RBMS3: variants seen among roughly 807,000 people sequenced by gnomAD.
The protein encoded by RBMS3 is RNA-binding motif, single-stranded-interacting protein 3.
A neutral mutation model predicts 66.8 loss-of-function variants in RBMS3; 27 were observed. That is an observed-to-expected ratio of 0.40 (90% CI 0.30 to 0.56). The LOEUF is 0.56. Among genes scored for constraint, RBMS3 ranks in the 20% least tolerant of loss-of-function variants. RBMS3 has a pLI of 0.40. For synonymous variants in RBMS3, 188 were observed against 183.0 expected (o/e 1.03, Z -0.22); for missense variants, 513 against 549.5 (o/e 0.93, Z 0.66).
chr3:29,474,710 G>T (rs2042885171), intron 2 of RBMS3, among the ~76,000 whole-genome samples: 1 of 152,192 alleles, frequency 6.6e-6, no homozygotes, highest in Non-Finnish European at 1.5e-5. Context: ...TACTGGTCTA[G>T]AAGAAGCTTT....
chr3:29,679,135 A>G (rs541583700), intron 4 of RBMS3, among the ~76,000 whole-genome samples: 1 of 152,080 alleles, frequency 6.6e-6, no homozygotes, highest in Admixed American at 6.6e-5. Context: ...GTGTCTCTGC[A>G]AATGGAGTCC....
rs114634994 is a variant in RBMS3 at position 29,969,807 on chromosome 3, A to G, written c.1099-18336A>G. Among the ~76,000 whole-genome samples the G allele has an allele frequency of 7.6e-3, 1,151 of 152,344 alleles. 16 individuals are homozygous for G. The highest frequency in any genetic ancestry group is 0.026 in the African/African-American group (1,083 of 41,582). Reference sequence around the variant, plus strand: ...GATTATCATCAAGAATAGGAAATGAATGCTGAGTTGTAAGAAAAAAATGCA... The same window carrying G: ...GATTATCATCAAGAATAGGAAATGAGTGCTGAGTTGTAAGAAAAAAATGCA... On this transcript the variant is annotated intron_variant, in intron 12 of 14. Coordinates refer to ENST00000383767, the MANE Select transcript of RBMS3 (RefSeq NM_001003793.3).
chr3:29,513,620 G>A (rs901856740), intron 3 of RBMS3, among the ~76,000 whole-genome samples: 4 of 152,086 alleles, frequency 2.6e-5, no homozygotes. Flanking sequence ...ACCCTGCCAG[G>A]ATTCTTCAGT....
rs777656534 is a variant in RBMS3 at position 29,434,934 on chromosome 3, C to A, written c.248+19C>A. 5 of 1,604,206 alleles carry A rather than the reference C, an allele frequency of 3.1e-6. No homozygotes were observed. In the Admixed American group the frequency reaches 8.4e-5, roughly 27 times the overall value. ...GCCAACCGTAAGTGTCCTTCTGCTG[C>A]CCGTGCTGTTTCTCACTCCCATACT... On this transcript the variant is annotated intron_variant, in intron 2 of 14. Transcript: ENST00000383767.
chr3:29,865,744 G>C (rs951044957), intron 6 of RBMS3, among the ~76,000 whole-genome samples: 9 of 152,086 alleles, frequency 5.9e-5, no homozygotes, highest in Non-Finnish European at 1.3e-4. Flanking sequence ...ATCATGCATG[G>C]ACTGTAGGAC....
In RBMS3 at chr3:30,007,750, C is replaced by T. The variant is rs72849062; in HGVS notation, c.*3888C>T. The T allele has an allele frequency of 6.6e-6, 1 of 152,026 alleles. No individual in the cohort carries two copies. The highest frequency in any genetic ancestry group is 2.4e-5 in the African/African-American group (1 of 41,422). 9.4% of individuals were successfully genotyped at this position (152,026 alleles called of 1,614,324 possible). A position where few individuals can be genotyped will look rare whatever the true frequency, so the allele number is the denominator to read the frequency against. ...TTTTAAAACAGTCCTCTACCTGACTCTAGTTTTGCGAGGATTAGTTTGTTT... is the reference window on the plus strand; with the variant it reads ...TTTTAAAACAGTCCTCTACCTGACTTTAGTTTTGCGAGGATTAGTTTGTTT... On this transcript the variant is annotated 3_prime_UTR_variant, in exon 15 of 15. Coordinates refer to ENST00000383767, the MANE Select transcript of RBMS3 (RefSeq NM_001003793.3).
chr3:29,656,577 G>A (rs2050334998), intron 4 of RBMS3, among the ~76,000 whole-genome samples: 1 of 152,120 alleles, frequency 6.6e-6, no homozygotes, highest in African/African-American at 2.4e-5. Flanking sequence ...TAAAGACTCT[G>A]TATGCAATAT....
At chr3:29,349,284 G>T (rs9863801) in intron 1 of RBMS3, among the ~76,000 whole-genome samples, 71,050 of 151,970 alleles carry the variant, frequency 0.47, 16,792 homozygotes, top group African/African-American at 0.51. Flanking sequence ...AGCTACAGTC[G>T]TACTCTCTCT....
At chr3:29,449,725 G>T (rs1419594766) in intron 2 of RBMS3, among the ~76,000 whole-genome samples, 1 of 152,138 alleles carries the variant, frequency 6.6e-6, no homozygotes, top group African/African-American at 2.4e-5. Flanking sequence ...AACGCTAAAA[G>T]AGCCATCATT....
chr3:29,410,037 G>T (rs2040198004), intron 1 of RBMS3, among the ~76,000 whole-genome samples: 1 of 152,070 alleles, frequency 6.6e-6, no homozygotes, highest in Non-Finnish European at 1.5e-5. Context: ...CTAGAGTCAG[G>T]CAGCTCTCAA....
intron 8 of RBMS3, among the ~76,000 whole-genome samples, chr3:29,894,976 C>A (rs2060091616): frequency 6.6e-6 from 1 of 151,442 alleles, no homozygotes; most frequent in African/African-American, 2.4e-5. Context: ...TTGGTTCAAT[C>A]CTAGTCAGCT....
chr3:29,631,153 A>G (rs1232960919), intron 4 of RBMS3, among the ~76,000 whole-genome samples: 2 of 152,128 alleles, frequency 1.3e-5, no homozygotes, highest in African/African-American at 4.8e-5. Flanking sequence ...CATTATAACT[A>G]TCACTGTAAA....
At chr3:29,571,748 G>A (rs1430610908) in intron 3 of RBMS3, among the ~76,000 whole-genome samples, 1 of 151,992 alleles carries the variant, frequency 6.6e-6, no homozygotes, top group Admixed American at 6.6e-5. Context: ...AATAGCTTTG[G>A]CTATTCAGGG....
chr3:29,783,653 T>C (rs1226785292), intron 6 of RBMS3, among the ~76,000 whole-genome samples: 3 of 151,860 alleles, frequency 2.0e-5, no homozygotes, highest in East Asian at 3.9e-4. Context: ...AAAAAGTATT[T>C]AGTCAACAAA....
At chr3:29,634,129 T>C (rs1315568735) in intron 4 of RBMS3, among the ~76,000 whole-genome samples, 1 of 151,884 alleles carries the variant, frequency 6.6e-6, no homozygotes, top group Non-Finnish European at 1.5e-5. Flanking sequence ...TACTATGCAT[T>C]GTGGGTATCC....
intron 1 of RBMS3, among the ~76,000 whole-genome samples, chr3:29,408,968 T>C (rs1047138444): frequency 2.0e-5 from 3 of 152,210 alleles, no homozygotes; most frequent in Non-Finnish European, 1.5e-5. Context: ...CACTTTATTT[T>C]ACTCCTGGTA....
chr3:29,849,243 T>G (rs1479644169), intron 6 of RBMS3, among the ~76,000 whole-genome samples: 1 of 150,282 alleles, frequency 6.7e-6, no homozygotes, highest in African/African-American at 2.5e-5. Flanking sequence ...ATGTTGAGCG[T>G]AGTGGCTCCC....
intron 4 of RBMS3, among the ~76,000 whole-genome samples, chr3:29,591,549 A>G (rs1336242338): frequency 6.6e-6 from 1 of 152,196 alleles, no homozygotes; most frequent in African/African-American, 2.4e-5. Flanking sequence ...ATAACCCCTG[A>G]TTCTGTCATC....
intron 5 of RBMS3, among the ~76,000 whole-genome samples, chr3:29,753,880 G>GT (rs1254278984): frequency 6.6e-6 from 1 of 152,034 alleles, no homozygotes; most frequent in Non-Finnish European, 1.5e-5. Context: ...CACTTAAGCT[G>GT]TAAGATTACA....
Sources: gnomAD v4.1 joint callset for allele counts (sites outside exome capture counted in the v4.1 genomes callset) on GRCh38, gnomAD v4.1.1 for gene constraint, MANE v1.5 for transcripts, NCBI Gene and HGNC (gene_info 2026-07-23, HGNC 2026-07-21) for gene names.